The following ZMYM4 variants were observed in gnomAD, a reference collection of about 807,000 sequenced individuals.
The protein encoded by ZMYM4 is zinc finger MYM-type containing 4.
A neutral mutation model predicts 183.2 loss-of-function variants in ZMYM4; 31 were observed. The ratio of observed to expected loss-of-function variants is 0.17; its 90% CI spans 0.13 to 0.23. ZMYM4 has a LOEUF of 0.23. Among genes scored for constraint, ZMYM4 ranks in the 10% least tolerant of loss-of-function variants. ZMYM4 has a pLI of 1.00. For synonymous variants in ZMYM4, 592 were observed against 631.2 expected, an observed-to-expected ratio of 0.94 and a Z score of 0.93; for missense variants, 1,273 against 1,840.3, an observed-to-expected ratio of 0.69 and a Z score of 5.64.
chr1:35,306,058 A>G (rs1469997234), intron 1 of ZMYM4, among the ~76,000 whole-genome samples: 1 of 152,154 alleles, frequency 6.6e-6, no homozygotes, highest in Non-Finnish European at 1.5e-5. Flanking sequence ...TGTAGTAATT[A>G]CATAGTTGGA....
intron 2 of ZMYM4, among the ~76,000 whole-genome samples, chr1:35,331,523 C>T (rs968769378): frequency 4.6e-5 from 7 of 152,048 alleles, no homozygotes; most frequent in East Asian, 1.9e-4. Context: ...CAGTGGCTCA[C>T]GCCTGTAATC....
intron 2 of ZMYM4, among the ~76,000 whole-genome samples, chr1:35,350,167 G>A (rs1643548280): frequency 7.1e-6 from 1 of 141,022 alleles, no homozygotes; most frequent in Admixed American, 7.5e-5. Context: ...GTCTTGCTGT[G>A]TTGCCCAAGC....
intron 27 of ZMYM4, among the ~76,000 whole-genome samples, chr1:35,415,159 A>G (rs2149045235): frequency 6.6e-6 from 1 of 152,358 alleles, no homozygotes; most frequent in African/African-American, 2.4e-5. Flanking sequence ...AGCGTTGTTC[A>G]GAGCCTATAT....
chr1:35,368,870 G>C (rs1156344426), intron 5 of ZMYM4, among the ~76,000 whole-genome samples: 3 of 151,920 alleles, frequency 2.0e-5, no homozygotes, highest in Non-Finnish European at 4.4e-5. Context: ...ATACTGATTT[G>C]GTATTTATTT....
intron 13 of ZMYM4, among the ~76,000 whole-genome samples, chr1:35,388,300 G>A (rs1426349933): frequency 2.6e-5 from 4 of 152,192 alleles, no homozygotes; most frequent in Non-Finnish European, 1.5e-5. Context: ...TGCCTCCTGG[G>A]TTCAAGCGAT....
At chr1:35,326,565 A>G (rs908352655) in intron 2 of ZMYM4, among the ~76,000 whole-genome samples, 2 of 152,102 alleles carry the variant, frequency 1.3e-5, no homozygotes, top group African/African-American at 4.8e-5. Flanking sequence ...ATATTCATTC[A>G]TTCATTTTCC....
Position 35,359,842 on chromosome 1 carries a change from T to A in ZMYM4, c.607+396T>A, listed in dbSNP as rs149930733. ...AAATTAGGGAGTTATTTTATTTTTT[T>A]AATTTTAATTTAATTTTTTGTTTAT... On this transcript the variant is annotated intron_variant, in intron 3 of 29. Coordinates refer to ENST00000314607, the MANE Select transcript of ZMYM4 (RefSeq NM_005095.3). 3.5e-3 allele frequency among the ~76,000 whole-genome samples: 530 copies of A among 152,150 alleles called. 2 individuals are homozygous for A. The highest frequency in any genetic ancestry group is 4.8e-3 in the Non-Finnish European group (327 of 67,914).
intron 1 of ZMYM4, among the ~76,000 whole-genome samples, chr1:35,285,802 T>C (rs914668321): frequency 3.3e-5 from 5 of 152,212 alleles, no homozygotes; most frequent in African/African-American, 1.2e-4. Context: ...GACTAAATCA[T>C]CTCAGTTGAT....
chr1:35,309,556 C>G (rs760948193), intron 1 of ZMYM4, among the ~76,000 whole-genome samples: 1 of 152,134 alleles, frequency 6.6e-6, no homozygotes, highest in Non-Finnish European at 1.5e-5. Context: ...ACATAAGAAA[C>G]TAGGTTATCC....
chr1:35,356,749 C>G (rs549859354), intron 2 of ZMYM4, among the ~76,000 whole-genome samples: 10 of 152,158 alleles, frequency 6.6e-5, no homozygotes, highest in African/African-American at 2.4e-4. Flanking sequence ...TAAATATGTA[C>G]TGAATGAATG....
intron 1 of ZMYM4, chr1:35,308,886 A>G: frequency 1.2e-6 from 1 of 848,244 alleles, no homozygotes. Flanking sequence ...GTGGATGATA[A>G]AAGGAAATTT....
intron 1 of ZMYM4, among the ~76,000 whole-genome samples, chr1:35,281,307 A>G (rs1221226525): frequency 6.6e-6 from 1 of 152,070 alleles, no homozygotes; most frequent in Non-Finnish European, 1.5e-5. Context: ...AATTACCTTA[A>G]GTTTAAAAAA....
Position 35,404,814 on chromosome 1 carries a change from G to A in ZMYM4, c.3529-209G>A, listed in dbSNP as rs1644972712. The A allele has an allele frequency of 3.8e-5, 17 of 442,874 alleles. 1 individual carries two copies. Among genetic ancestry groups the A allele is most frequent in the Admixed American group, 3.2e-4 (8 of 25,356 alleles). 27.4% of individuals were successfully genotyped at this position (442,874 alleles called of 1,614,324 possible). On this transcript the variant is annotated intron_variant, in intron 23 of 29. Coordinates refer to ENST00000314607, the MANE Select transcript of ZMYM4 (RefSeq NM_005095.3). ...AGTGATTATTACAGTGTGCTCTTCT[G>A]CATTTAAACTTTTTCTTTCTTCCTT...
At chr1:35,273,454 A>G (rs1639716371) in intron 1 of ZMYM4, among the ~76,000 whole-genome samples, 1 of 152,200 alleles carries the variant, frequency 6.6e-6, no homozygotes, top group African/African-American at 2.4e-5. Flanking sequence ...TATGAGGTCT[A>G]ACTAAATCGG....
intron 2 of ZMYM4, among the ~76,000 whole-genome samples, chr1:35,342,797 A>G (rs538595892): frequency 6.6e-5 from 10 of 151,898 alleles, no homozygotes; most frequent in African/African-American, 1.7e-4. Context: ...CAGCCTCCTA[A>G]GTAGCTGGGA....
chr1:35,339,127 A>G (rs933691206), intron 2 of ZMYM4, among the ~76,000 whole-genome samples: 1 of 152,194 alleles, frequency 6.6e-6, no homozygotes, highest in African/African-American at 2.4e-5. Context: ...AAATATTTGG[A>G]AAAAAATATT....
chr1:35,311,932 C>A (rs1033143676), intron 1 of ZMYM4, among the ~76,000 whole-genome samples: 2 of 152,008 alleles, frequency 1.3e-5, no homozygotes, highest in Non-Finnish European at 2.9e-5. Context: ...CTCTGTCACC[C>A]AGGCTGGAGT....
intron 2 of ZMYM4, among the ~76,000 whole-genome samples, chr1:35,326,928 A>G (rs1452696081): frequency 6.6e-6 from 1 of 152,022 alleles, no homozygotes; most frequent in Non-Finnish European, 1.5e-5. Flanking sequence ...GGCGTGATCT[A>G]GGCTCACTGC....
rs1553179061 is a variant in ZMYM4 at position 35,389,781 on chromosome 1, A to ATATGTGTG, written c.2437-166_2437-165insATGTGTGT. 2.4e-3 allele frequency among the ~76,000 whole-genome samples: 338 copies of ATATGTGTG among 141,470 alleles called. 2 individuals are homozygous for ATATGTGTG. The highest frequency in any genetic ancestry group is 8.4e-3 in the African/African-American group (318 of 37,660). 92.8% of individuals were successfully genotyped at this position (141,470 alleles called of 152,430 possible). On this transcript the variant is annotated intron_variant, in intron 14 of 29. Transcript: ENST00000314607. This position sits in a 1 kb window ranked among gnomAD's most constrained non-coding sequence, Gnocchi z 4.0. ...AAAAAAAAAAAAAATATATATATATATGTGTGTGTGTGTGTGTGTGTGTGT... is the reference window on the plus strand; with the variant it reads ...AAAAAAAAAAAAAATATATATATATATATGTGTGTGTGTGTGTGTGTGTGTGTGTGTGT...
Sources: allele counts gnomAD v4.1 joint callset (sites outside exome capture counted in the v4.1 genomes callset), GRCh38; gene constraint gnomAD v4.1.1; non-coding constraint Gnocchi (gnomAD v3.1); transcripts MANE v1.5; gene names NCBI Gene and HGNC (gene_info 2026-07-23, HGNC 2026-07-21).